PARN: variants seen among roughly 807,000 people sequenced by gnomAD.
PARN encodes poly(A)-specific ribonuclease PARN.
A neutral mutation model predicts 102.8 loss-of-function variants in PARN; 71 were observed. The ratio of observed to expected loss-of-function variants is 0.69; its 90% CI spans 0.57 to 0.84. The LOEUF (loss-of-function observed/expected upper bound fraction) is 0.84, where lower values mean the gene tolerates loss of function less well. Ranked by LOEUF, PARN falls within the 40% of genes least tolerant of loss-of-function variation. The pLI, the probability that PARN is intolerant of heterozygous loss-of-function variation, is 0.00. For missense variants in PARN, 782 were observed against 760.9 expected (o/e 1.03, Z -0.33); for synonymous variants, 261 against 252.9 (o/e 1.03, Z -0.30).
intron 22 of PARN, among the ~76,000 whole-genome samples, chr16:14,472,925 A>G (rs1175726200): frequency 2.0e-5 from 3 of 152,182 alleles, no homozygotes; most frequent in African/African-American, 7.2e-5. Context: ...CCATAATATT[A>G]TACACGCTGC....
chr16:14,584,606 T>C (rs1225561561), intron 15 of PARN, 143 bp downstream of exon 15: 3 of 746,800 alleles, frequency 4.0e-6, no homozygotes, highest in African/African-American at 1.8e-5. Flanking sequence ...ATTTTTATAA[T>C]ATACAAAGTA....
At chr16:14,546,876 C>T (rs1016539491) in intron 21 of PARN, among the ~76,000 whole-genome samples, 1 of 151,974 alleles carries the variant, frequency 6.6e-6, no homozygotes, top group Non-Finnish European at 1.5e-5. Flanking sequence ...GAGCAGATCA[C>T]GAGGTCAGGA....
intron 23 of PARN, among the ~76,000 whole-genome samples, chr16:14,446,634 GGAGA>G (rs1176046084): frequency 6.6e-6 from 1 of 152,176 alleles, no homozygotes; most frequent in Non-Finnish European, 1.5e-5. Flanking sequence ...ACACCATGGA[GGAGA>G]GAGAGATTAC....
chr16:14,487,001 C>G (rs1313762893), intron 21 of PARN, among the ~76,000 whole-genome samples: 1 of 152,262 alleles, frequency 6.6e-6, no homozygotes, highest in Non-Finnish European at 1.5e-5. Flanking sequence ...GAGTCTCAAA[C>G]ACTCCGGCTT....
chr16:14,557,338 C>G (rs1054327121), intron 18 of PARN, among the ~76,000 whole-genome samples: 3 of 151,348 alleles, frequency 2.0e-5, no homozygotes, highest in Admixed American at 6.6e-5. Context: ...GGGTGGATCA[C>G]CTGAGGTCAG....
At chr16:14,437,593 T>C (rs940223034) in intron 23 of PARN, among the ~76,000 whole-genome samples, 3 of 152,110 alleles carry the variant, frequency 2.0e-5, no homozygotes, top group African/African-American at 7.2e-5. Context: ...TCAACGAATG[T>C]GAGGGAAGTC....
chr16:14,630,156 C>A lies in PARN; in HGVS notation c.-31G>T, dbSNP rs754212597. ...AGAGTGGCCGGAACCTTGGCCCCAC[C>A]CGGGCCCGCGCCCGCCTCAGCGGTT... On this transcript the variant is annotated 5_prime_UTR_variant, in exon 1 of 24. Coordinates refer to ENST00000437198, the MANE Select transcript of PARN (RefSeq NM_002582.4). 6.5e-7 allele frequency: 1 copy of A among 1,548,210 alleles called. No individual in the cohort carries two copies. Among genetic ancestry groups the A allele is most frequent in the Admixed American group, 1.9e-5 (1 of 51,344 alleles).
At chr16:14,574,255 T>C (rs1305701699) in intron 18 of PARN, among the ~76,000 whole-genome samples, 1 of 152,216 alleles carries the variant, frequency 6.6e-6, no homozygotes, top group Non-Finnish European at 1.5e-5. Flanking sequence ...CATAGAGATT[T>C]GTAGAACTTT....
chr16:14,547,586 T>G (rs911647448), intron 21 of PARN, among the ~76,000 whole-genome samples: 1 of 152,050 alleles, frequency 6.6e-6, no homozygotes, highest in Non-Finnish European at 1.5e-5. Flanking sequence ...AGTGCACACC[T>G]ATAGTCCTGG....
At chr16:14,611,005 A>G (rs1468431410) in intron 6 of PARN, among the ~76,000 whole-genome samples, 196 bp from the exon 7 acceptor site, 1 of 152,210 alleles carries the variant, frequency 6.6e-6, no homozygotes, top group Non-Finnish European at 1.5e-5. Context: ...TTCAAGAAAT[A>G]TTTATCTGGC....
Position 14,526,196 on chromosome 16 carries a change from A to G in PARN, c.1480+25825T>C, listed in dbSNP as rs560468793. On this transcript the variant is annotated intron_variant, in intron 21 of 23. Coordinates refer to ENST00000437198, the MANE Select transcript of PARN (RefSeq NM_002582.4). ...CATCCACTGTTTTTTTTTTTTTTTG[A>G]GACGGAGTCTTGCTCTGTCACCCAG... Among the ~76,000 whole-genome samples, 39 of 138,826 alleles carry G rather than the reference A, an allele frequency of 2.8e-4. No individual in the cohort carries two copies. In the East Asian group the frequency reaches 8.6e-3, roughly 31 times the overall value. The allele number at this position is 138,826 out of a possible 152,430, so 91.1% of individuals were successfully genotyped here.
chr16:14,532,592 C>T (rs889196763), intron 21 of PARN, among the ~76,000 whole-genome samples: 6 of 152,094 alleles, frequency 3.9e-5, no homozygotes, highest in Non-Finnish European at 8.8e-5. Flanking sequence ...GGCAACCATC[C>T]GATTTCTCAA....
At chr16:14,553,598 G>A (rs1967465129) in intron 20 of PARN, among the ~76,000 whole-genome samples, 1 of 152,098 alleles carries the variant, frequency 6.6e-6, no homozygotes, top group South Asian at 2.1e-4. Context: ...CTGCTCAAAC[G>A]AACCTAATCA....
intron 22 of PARN, among the ~76,000 whole-genome samples, chr16:14,472,192 C>G (rs201158115): frequency 6.6e-6 from 1 of 152,166 alleles, no homozygotes; most frequent in Non-Finnish European, 1.5e-5. Context: ...AGTTTTATGT[C>G]TTTGTGTACA....
At chr16:14,454,617 TTTCTGGC>T (rs1197574089) in intron 22 of PARN, among the ~76,000 whole-genome samples, 1 of 152,220 alleles carries the variant, frequency 6.6e-6, no homozygotes, top group Non-Finnish European at 1.5e-5. Flanking sequence ...AGAAATGTGG[TTTCTGGC>T]ATAGTTACCC....
chr16:14,528,849 T>C (rs983201064), intron 21 of PARN, among the ~76,000 whole-genome samples: 4 of 152,212 alleles, frequency 2.6e-5, no homozygotes, highest in Admixed American at 1.3e-4. Flanking sequence ...TAGTTGAGTA[T>C]TCAATTAATC....
chr16:14,451,953 G>A (rs1452721413), intron 22 of PARN, among the ~76,000 whole-genome samples: 2 of 148,098 alleles, frequency 1.4e-5, no homozygotes, highest in African/African-American at 5.0e-5. Context: ...TTGGGAGGCT[G>A]AGGTGGGAGG....
At chr16:14,461,325 A>G (rs952943337) in intron 22 of PARN, among the ~76,000 whole-genome samples, 1 of 152,232 alleles carries the variant, frequency 6.6e-6, no homozygotes, top group African/African-American at 2.4e-5. Flanking sequence ...ATAAAGTATG[A>G]GCTTTTGTTA....
chr16:14,504,042 G>A (rs1596530833), intron 21 of PARN, among the ~76,000 whole-genome samples: 1 of 152,314 alleles, frequency 6.6e-6, no homozygotes, highest in East Asian at 1.9e-4. Flanking sequence ...GTCAGTGAGT[G>A]TTCTGTCTAA....
Sources: allele counts gnomAD v4.1 joint callset (sites outside exome capture counted in the v4.1 genomes callset), GRCh38; gene constraint gnomAD v4.1.1; transcripts MANE v1.5; gene names NCBI Gene and HGNC (gene_info 2026-07-23, HGNC 2026-07-21).